Variants in PIH1D1 observed in about 807,000 individuals in gnomAD.
PIH1D1 encodes the protein PIH1 domain-containing protein 1.
Under a neutral mutation model 38.5 loss-of-function variants are expected in PIH1D1, and 28 were observed. The observed-to-expected ratio is 0.73, with a 90% CI of 0.54 to 1.00. PIH1D1 has a LOEUF of 1.00. Among genes scored for constraint, PIH1D1 ranks in the 50% least tolerant of loss-of-function variants. The probability of loss-of-function intolerance (pLI) is 0.00; values close to 1 mark genes in which losing one functional copy is unlikely to be tolerated. For synonymous variants in PIH1D1, 155 were observed against 153.5 expected, an observed-to-expected ratio of 1.01 and a Z score of -0.07; for missense variants, 343 against 369.9, an observed-to-expected ratio of 0.93 and a Z score of 0.60.
intron 1 of PIH1D1, 42 bp from the exon 2 acceptor site, chr19:49,450,890 A>G (rs987360456): frequency 6.2e-7 from 1 of 1,613,426 alleles, no homozygotes; most frequent in African/African-American, 1.3e-5. Flanking sequence ...AGTCTGTGCC[A>G]TCAGACCCCT....
intron 1 of PIH1D1, 151 bp downstream of exon 1, chr19:49,451,334 C>G: frequency 8.7e-7 from 1 of 1,145,834 alleles, no homozygotes; most frequent in East Asian, 2.5e-5. Context: ...CGGCCCCCCA[C>G]TCCCATTTCT....
In PIH1D1 at chr19:49,446,497, C is replaced by CAG. The variant is rs1322810466; in HGVS notation, c.831+52_831+53dup. 39 of 1,589,138 alleles carry CAG rather than the reference C, an allele frequency of 2.5e-5. No homozygotes were observed. In the South Asian group the frequency reaches 4.3e-4, roughly 18 times the overall value. ...GCTCCCAGCCCCCCTCCCTGGGAGA[C>CAG]AGAGTCCAGGCCCCGCCAATGTCCC... is the stretch of plus-strand genomic sequence containing the variant. On this transcript the variant is annotated intron_variant, in intron 8 of 8. Coordinates refer to ENST00000262265, the MANE Select transcript of PIH1D1 (RefSeq NM_017916.3).
At position 49,446,317 on chromosome 19, in the gene PIH1D1, T is replaced by A. The variant is rs1047117417; in HGVS notation, c.*65A>T. The A allele has an allele frequency of 7.9e-5, 62 of 781,872 alleles. No homozygotes were observed. The highest frequency in any genetic ancestry group is 3.3e-5 in the Non-Finnish European group (14 of 419,350). 48.4% of individuals were successfully genotyped at this position (781,872 alleles called of 1,614,324 possible). Reference sequence around the variant, plus strand: ...ACAGAACAAAGGCAAAAATCTTTTATTTCAACTTTTAGGGAAGCCAGCAGC... The same window carrying A: ...ACAGAACAAAGGCAAAAATCTTTTAATTCAACTTTTAGGGAAGCCAGCAGC... On this transcript the variant is annotated 3_prime_UTR_variant, in exon 9 of 9. Transcript: ENST00000262265.
rs746420172 is a variant in PIH1D1, at chr19:49,449,674, C to G, written c.158-20G>C. The G allele has an allele frequency of 6.2e-7, 1 of 1,602,046 alleles. No homozygotes were observed. Among genetic ancestry groups the G allele is most frequent in the East Asian group, 2.2e-5 (1 of 44,696 alleles). On this transcript the variant is annotated intron_variant, in intron 2 of 8. Coordinates refer to ENST00000262265, the MANE Select transcript of PIH1D1 (RefSeq NM_017916.3). ...AGAAACCTGGTGGGAGTGGGTTAGT[C>G]ATGACAATCCTTTTCTGCACAAGTC...
At chr19:49,447,251 A>C in intron 6 of PIH1D1, 87 bp downstream of exon 6, 1 of 1,566,856 alleles carries the variant, frequency 6.4e-7, no homozygotes. Flanking sequence ...CCAGGGCCCC[A>C]GGACATCACC....
chr19:49,447,758 C>G, intron 5 of PIH1D1, 69 bp downstream of exon 5: 1 of 1,500,546 alleles, frequency 6.7e-7, no homozygotes, highest in South Asian at 1.1e-5. Flanking sequence ...AGCCCCTCCT[C>G]TCCTAGGGGT....
At chr19:49,447,594 T>A (rs2079032241) in intron 5 of PIH1D1, 127 bp from the exon 6 acceptor site, 2 of 1,218,564 alleles carry the variant, frequency 1.6e-6, no homozygotes, top group Middle Eastern at 2.1e-4. Flanking sequence ...CCCGCAGGCT[T>A]GGCTCCAGGA....
intron 5 of PIH1D1, 145 bp downstream of exon 5, chr19:49,447,682 C>T (rs1600999742): frequency 2.0e-6 from 2 of 990,470 alleles, no homozygotes. Flanking sequence ...CTGGCCCCGC[C>T]CCCTCAGGGC....
intron 7 of PIH1D1, 57 bp from the exon 8 acceptor site, chr19:49,446,751 C>T (rs765244505): frequency 1.8e-5 from 27 of 1,502,540 alleles, no homozygotes; most frequent in Non-Finnish European, 2.4e-5. Flanking sequence ...TCACCTGGAC[C>T]AGGCATGGTA....
intron 1 of PIH1D1, 35 bp downstream of exon 1, chr19:49,451,450 G>C (rs566993756): frequency 6.2e-7 from 1 of 1,612,782 alleles, no homozygotes; most frequent in African/African-American, 1.3e-5. Context: ...CAAAATCCCC[G>C]AATACTCAAG....
At chr19:49,449,865 G>A (rs567766056) in intron 2 of PIH1D1, among the ~76,000 whole-genome samples, 1 of 150,270 alleles carries the variant, frequency 6.7e-6, no homozygotes, top group South Asian at 2.1e-4. Flanking sequence ...CGTGATCTCG[G>A]CTCACTGCAA....
At position 49,451,387 on chromosome 19, in the gene PIH1D1, G is replaced by T. The variant is rs750627060; in HGVS notation, c.90+98C>A. ...ATTAACCTCAATTCCCCGAGGCCTG[G>T]TTCCCGCCTTAGTGCATTCTGGGAA... On this transcript the variant is annotated intron_variant, in intron 1 of 8. Transcript: ENST00000262265. 22 of 1,547,406 alleles carry T rather than the reference G, an allele frequency of 1.4e-5. No homozygotes were observed. The Admixed American group carries it at 1.7e-4, about 12-fold the overall frequency.
chr19:49,450,316 T>G (rs576646671), intron 2 of PIH1D1, among the ~76,000 whole-genome samples: 38 of 152,104 alleles, frequency 2.5e-4, no homozygotes, highest in Non-Finnish European at 5.1e-4. Context: ...TGGTCTTGAA[T>G]GCCTGGCCTC....
rs1483423679 is a variant in PIH1D1, at chr19:49,451,545, C to G, written c.30G>C (p.Gly10=). 5.0e-6 allele frequency: 8 copies of G among 1,613,732 alleles called. No individual in the cohort carries two copies. The South Asian group carries it at 8.8e-5, about 18-fold the overall frequency. MANPKLLGM[G]LSEAEAIGAD... Reference sequence around the variant, plus strand: ...CACCGATCGCCTCCGCCTCGCTTAGCCCCATTCCCAGCAGCTTCGGGTTCG... The same window carrying G: ...CACCGATCGCCTCCGCCTCGCTTAGGCCCATTCCCAGCAGCTTCGGGTTCG... Residue 10 remains glycine, a synonymous_variant, in exon 1 of 9, where the codon GGG becomes GGC. Transcript: ENST00000262265.
chr19:49,451,682 T>C lies in PIH1D1; in HGVS notation c.-108A>G. ...TGGCCCTCAATCGACTCCGGATACC[T>C]ACTATCCTGTTCAAAAACCTAAGAC... On this transcript the variant is annotated 5_prime_UTR_variant, in exon 1 of 9. Transcript: ENST00000262265. 6.7e-7 allele frequency: 1 copy of C among 1,501,366 alleles called. No individual in the cohort carries two copies. Among genetic ancestry groups the C allele is most frequent in the Non-Finnish European group, 8.9e-7 (1 of 1,129,312 alleles). 93.0% of individuals were successfully genotyped at this position (1,501,366 alleles called of 1,614,324 possible). A position where few individuals can be genotyped will look rare whatever the true frequency, so the allele number is the denominator to read the frequency against.
In PIH1D1 at chr19:49,448,481, C is replaced by T. The variant is rs1180325354; in HGVS notation, c.338-419G>A. 2.8e-5 allele frequency: 7 copies of T among 246,286 alleles called. No individual in the cohort carries two copies. The East Asian group carries it at 7.6e-4, about 27-fold the overall frequency. 15.3% of individuals were successfully genotyped at this position (246,286 alleles called of 1,614,324 possible). On this transcript the variant is annotated intron_variant, in intron 3 of 8. Transcript: ENST00000262265. ...CCATTACTGGCTGATCCAATCCAAT[C>T]ATTCTCTCCCAGCTCTGGGCCGCTC...
Position 49,451,599 on chromosome 19 carries a change from T to A in PIH1D1, c.-25A>T, listed in dbSNP as rs1189561857. The A allele has an allele frequency of 6.2e-7, 1 of 1,610,268 alleles. No individual in the cohort carries two copies. Among genetic ancestry groups the A allele is most frequent in the Non-Finnish European group, 8.5e-7 (1 of 1,179,436 alleles). ...TGGCCCTGGGAAAGAGATCTAGGCGTCCTCGAGACCCTCAACGTGGGAAAC... is the reference window on the plus strand; with the variant it reads ...TGGCCCTGGGAAAGAGATCTAGGCGACCTCGAGACCCTCAACGTGGGAAAC... On this transcript the variant is annotated 5_prime_UTR_variant, in exon 1 of 9. Transcript: ENST00000262265.
chr19:49,448,136 A>G, intron 3 of PIH1D1, 74 bp from the exon 4 acceptor site: 1 of 1,441,138 alleles, frequency 6.9e-7, no homozygotes, highest in Non-Finnish European at 9.7e-7. Flanking sequence ...CAGACAGGGA[A>G]GAAACATTCA....
In PIH1D1 at chr19:49,451,022, TTTC is replaced by T. The variant is rs374504149; in HGVS notation, c.91-177_91-175del. On this transcript the variant is annotated intron_variant, in intron 1 of 8. Transcript: ENST00000262265. ...AAGAACAACCCCAACCCCATTCCCA[TTTC>T]TTTTTTTTTTTTTTTTTTTTTGGAG... 1,086 of 1,000,156 alleles carry T rather than the reference TTTC, an allele frequency of 1.1e-3. 12 individuals are homozygous for T. The African/African-American group carries it at 0.017, about 16-fold the overall frequency. The allele number at this position is 1,000,156 out of a possible 1,614,324, so 62.0% of individuals were successfully genotyped here. A position where few individuals can be genotyped will look rare whatever the true frequency, so the allele number is the denominator to read the frequency against.
Sources: allele counts gnomAD v4.1 joint callset (sites outside exome capture counted in the v4.1 genomes callset), GRCh38; gene constraint gnomAD v4.1.1; transcripts MANE v1.5; gene names NCBI Gene and HGNC (gene_info 2026-07-23, HGNC 2026-07-21).